Variants in PDS5B observed in about 807,000 individuals in gnomAD.
PDS5B encodes PDS5 cohesin associated factor B.
Under a neutral mutation model 184.1 loss-of-function variants are expected in PDS5B, and 51 were observed. The observed-to-expected ratio is 0.28, with a 90% CI of 0.22 to 0.35. The LOEUF is 0.35. PDS5B is among the 10% of genes least tolerant of loss of function. PDS5B has a pLI of 1.00. For synonymous variants in PDS5B, 566 were observed against 569.2 expected (o/e 0.99, Z 0.08); for missense variants, 1,180 against 1,723.3 (o/e 0.68, Z 5.58).
intron 1 of PDS5B, among the ~76,000 whole-genome samples, chr13:32,594,590 C>A (rs2057829615): frequency 6.6e-6 from 1 of 152,150 alleles, no homozygotes; most frequent in African/African-American, 2.4e-5. Context: ...TGAAAAAATT[C>A]TTGAAGGAGC....
At chr13:32,612,186 A>C (rs1181827183) in intron 1 of PDS5B, among the ~76,000 whole-genome samples, 3 of 151,766 alleles carry the variant, frequency 2.0e-5, no homozygotes, top group Non-Finnish European at 4.4e-5. Context: ...CTTTACCTGT[A>C]TTGGTATATG....
intron 15 of PDS5B, 57 bp downstream of exon 15, chr13:32,696,959 A>C: frequency 9.3e-7 from 1 of 1,081,006 alleles, no homozygotes; most frequent in Non-Finnish European, 1.4e-6. Context: ...ATTTTTTATA[A>C]TTTTAAGTGT....
Position 32,740,235 on chromosome 13 carries a change from T to C in PDS5B, c.2407-845T>C, listed in dbSNP as rs115183926. Among the ~76,000 whole-genome samples the C allele has an allele frequency of 2.5e-3, 381 of 152,296 alleles. 2 individuals are homozygous for C. Among genetic ancestry groups the C allele is most frequent in the African/African-American group, 8.7e-3 (360 of 41,576 alleles). ...TTGCAGCTGAGAAATCTGAAGTTAATCTTTTATTCCTTTTTGGTAGTTTCT... is the reference window on the plus strand; with the variant it reads ...TTGCAGCTGAGAAATCTGAAGTTAACCTTTTATTCCTTTTTGGTAGTTTCT... On this transcript the variant is annotated intron_variant, in intron 21 of 34. Coordinates refer to ENST00000315596, the MANE Select transcript of PDS5B (RefSeq NM_015032.4).
chr13:32,685,384 C>T (rs975776347), intron 11 of PDS5B, among the ~76,000 whole-genome samples: 2 of 151,992 alleles, frequency 1.3e-5, no homozygotes, highest in Admixed American at 6.5e-5. Flanking sequence ...TTCTAAATAC[C>T]TTTTTTCTCA....
intron 1 of PDS5B, among the ~76,000 whole-genome samples, chr13:32,587,508 T>C (rs117949167): frequency 1.1e-4 from 17 of 152,374 alleles, no homozygotes; most frequent in Non-Finnish European, 2.1e-4. Flanking sequence ...TTGTTGCTGC[T>C]ACTGCTGTTG....
chr13:32,732,258 A>T, intron 20 of PDS5B, 34 bp downstream of exon 20: 2 of 1,460,556 alleles, frequency 1.4e-6, no homozygotes, highest in Non-Finnish European at 1.9e-6. Context: ...TTTATTTCAT[A>T]TGTCATAGTT....
intron 18 of PDS5B, 92 bp from the exon 19 acceptor site, chr13:32,709,852 CTT>C: frequency 2.8e-6 from 2 of 723,562 alleles, no homozygotes; most frequent in Admixed American, 7.0e-5. Flanking sequence ...TTTTAATAGA[CTT>C]TGATTTATAG....
At chr13:32,594,064 T>C (rs1441356406) in intron 1 of PDS5B, among the ~76,000 whole-genome samples, 2 of 152,226 alleles carry the variant, frequency 1.3e-5, no homozygotes, top group African/African-American at 4.8e-5. Flanking sequence ...CATTACACAT[T>C]GTATATGTTG....
At chr13:32,752,692 G>T (rs576457452) in intron 24 of PDS5B, among the ~76,000 whole-genome samples, 6 of 152,300 alleles carry the variant, frequency 3.9e-5, no homozygotes, top group South Asian at 2.1e-4. Context: ...GAGACTAGGG[G>T]TGGGTAGTTT....
intron 1 of PDS5B, among the ~76,000 whole-genome samples, chr13:32,607,002 G>T (rs1401757860): frequency 6.6e-6 from 1 of 152,110 alleles, no homozygotes; most frequent in Non-Finnish European, 1.5e-5. Context: ...TTTGCGATGG[G>T]TTTGAACATC....
chr13:32,611,599 C>T (rs1322596340), intron 1 of PDS5B, among the ~76,000 whole-genome samples: 1 of 150,766 alleles, frequency 6.6e-6, no homozygotes, highest in Non-Finnish European at 1.5e-5. Flanking sequence ...CCTCTGCCTC[C>T]TGGGCTCTAG....
At chr13:32,660,132 C>G (rs1950605508) in intron 6 of PDS5B, among the ~76,000 whole-genome samples, 1 of 152,144 alleles carries the variant, frequency 6.6e-6, no homozygotes, top group Admixed American at 6.5e-5. Context: ...CCACCCCTCA[C>G]TCCTTCCTGC....
chr13:32,715,794 G>A, intron 19 of PDS5B, among the ~76,000 whole-genome samples: 1 of 152,000 alleles, frequency 6.6e-6, no homozygotes, highest in African/African-American at 2.4e-5. Context: ...GAGTGCCTGC[G>A]ATTGCAGGTG....
chr13:32,677,609 A>C (rs895961185), intron 9 of PDS5B, among the ~76,000 whole-genome samples: 1 of 152,104 alleles, frequency 6.6e-6, no homozygotes. Flanking sequence ...AACACTCAGG[A>C]AGCTGTATGG....
chr13:32,723,416 GA>G lies in PDS5B; in HGVS notation c.2124-8679del, dbSNP rs961537497. Among the ~76,000 whole-genome samples, 5 of 126,756 alleles carry G rather than the reference GA, an allele frequency of 3.9e-5. No individual in the cohort carries two copies. In the South Asian group the frequency reaches 9.1e-4, roughly 23 times the overall value. The allele number at this position is 126,756 out of a possible 152,430, so 83.2% of individuals were successfully genotyped here. A position where few individuals can be genotyped will look rare whatever the true frequency, so the allele number is the denominator to read the frequency against. Reference sequence around the variant, plus strand: ...CTATATTGGTATGATTGTTATCAAGGAAAAAACTTGAACTTGAAGGTAGAAA... The same window carrying G: ...CTATATTGGTATGATTGTTATCAAGGAAAAACTTGAACTTGAAGGTAGAAA... On this transcript the variant is annotated intron_variant, in intron 19 of 34. Coordinates refer to ENST00000315596, the MANE Select transcript of PDS5B (RefSeq NM_015032.4).
chr13:32,656,613 A>T (rs113093304), intron 3 of PDS5B, among the ~76,000 whole-genome samples: 5,519 of 95,232 alleles, frequency 0.058, 259 homozygotes, highest in African/African-American at 0.14. Flanking sequence ...TTTTTTTTTT[A>T]AAAGACAAAG....
At chr13:32,635,962 G>A (rs763914759) in intron 1 of PDS5B, among the ~76,000 whole-genome samples, 13 of 151,368 alleles carry the variant, frequency 8.6e-5, no homozygotes, top group Non-Finnish European at 1.8e-4. Flanking sequence ...GTAGAGACGG[G>A]GTTTCACCGT....
intron 9 of PDS5B, among the ~76,000 whole-genome samples, chr13:32,676,883 A>G (rs1301497498): frequency 5.8e-5 from 8 of 138,522 alleles, no homozygotes; most frequent in African/African-American, 2.2e-4. Context: ...GTGAGCTGAG[A>G]TGGCACCACT....
At chr13:32,713,068 T>G (rs1952257685) in intron 19 of PDS5B, among the ~76,000 whole-genome samples, 1 of 152,216 alleles carries the variant, frequency 6.6e-6, no homozygotes, top group Non-Finnish European at 1.5e-5. Context: ...TAACATGTGA[T>G]GTACCCATAG....
Sources: gnomAD v4.1 joint callset for allele counts (sites outside exome capture counted in the v4.1 genomes callset) on GRCh38, gnomAD v4.1.1 for gene constraint, MANE v1.5 for transcripts, NCBI Gene and HGNC (gene_info 2026-07-23, HGNC 2026-07-21) for gene names.